EPB41L4B: variants seen among roughly 807,000 people sequenced by gnomAD.
EPB41L4B encodes the protein band 4.1-like protein 4B.
EPB41L4B carries 30 observed loss-of-function variants against 112.5 expected under a neutral mutation model. That is an observed-to-expected ratio of 0.27 (90% confidence interval 0.20 to 0.36). EPB41L4B has a LOEUF of 0.36. Ranked by LOEUF, EPB41L4B falls within the 10% of genes least tolerant of loss-of-function variation. The probability of loss-of-function intolerance (pLI) is 1.00; values close to 1 mark genes in which losing one functional copy is unlikely to be tolerated. For missense variants in EPB41L4B, 1,024 were observed against 1,133.3 expected (o/e 0.90, Z 1.38); for synonymous variants, 408 against 439.7 (o/e 0.93, Z 0.90).
intron 16 of EPB41L4B, 80 bp downstream of exon 16, chr9:109,216,842 G>C: frequency 1.4e-6 from 2 of 1,406,438 alleles, no homozygotes; most frequent in East Asian, 4.6e-5. Context: ...GCAAGGGTCT[G>C]TCTTAAGAAT....
intron 1 of EPB41L4B, among the ~76,000 whole-genome samples, chr9:109,306,340 G>C (rs1045107661): frequency 2.6e-5 from 4 of 152,156 alleles, no homozygotes; most frequent in African/African-American, 9.7e-5. Flanking sequence ...GGCCAGGCGT[G>C]GTGGCTCACG....
rs1564317202 is a variant in EPB41L4B, at chr9:109,281,717, TA to T, written c.307-1797del. 8.5e-3 allele frequency among the ~76,000 whole-genome samples: 1,129 copies of T among 132,206 alleles called. 10 individuals carry two copies. Among genetic ancestry groups the T allele is most frequent in the South Asian group, 0.032 (133 of 4,128 alleles). 86.7% of individuals were successfully genotyped at this position (132,206 alleles called of 152,430 possible). ...ATAAATAAATAAATAAATAAATAAATAAATAAATTAATTAATTAATTTTAAA... is the reference window on the plus strand; with the variant it reads ...ATAAATAAATAAATAAATAAATAAATAATAAATTAATTAATTAATTTTAAA... On this transcript the variant is annotated intron_variant, in intron 1 of 25. Transcript: ENST00000374566.
intron 1 of EPB41L4B, among the ~76,000 whole-genome samples, chr9:109,316,929 C>A (rs556802594): frequency 6.6e-6 from 1 of 152,098 alleles, no homozygotes; most frequent in African/African-American, 2.4e-5. Context: ...CAGTGAGACC[C>A]CATGTCTATA....
intron 15 of EPB41L4B, chr9:109,240,823 A>T (rs1434239083): frequency 2.0e-6 from 2 of 985,342 alleles, no homozygotes; most frequent in Admixed American, 1.2e-4. Context: ...TGTATTCACA[A>T]TTATGTCTTC....
At chr9:109,174,757 T>C (rs2118559672) in intron 25 of EPB41L4B, 134 bp from the exon 26 acceptor site, 1 of 670,686 alleles carries the variant, frequency 1.5e-6, no homozygotes, top group Non-Finnish European at 2.5e-6. Flanking sequence ...TTGAGGACTA[T>C]CTACATTTGC....
At chr9:109,276,318 G>GA (rs58741821) in intron 2 of EPB41L4B, among the ~76,000 whole-genome samples, 1,620 of 151,858 alleles carry the variant, frequency 0.011, 26 homozygotes, top group Admixed American at 0.039. Context: ...TGAGGGGGGG[G>GA]TCATCTGAGA....
At position 109,273,773 on chromosome 9, in the gene EPB41L4B, T is replaced by C. The variant is rs118138254; in HGVS notation, c.412-5340A>G. ...TCTATGGAAACTGCACTGAACCCAATGGGTGGAAGGAAGGGGTTTTGTCTG... is the reference window on the plus strand; with the variant it reads ...TCTATGGAAACTGCACTGAACCCAACGGGTGGAAGGAAGGGGTTTTGTCTG... On this transcript the variant is annotated intron_variant, in intron 2 of 25. Coordinates refer to ENST00000374566, the MANE Select transcript of EPB41L4B (RefSeq NM_019114.5). 1.9e-3 allele frequency among the ~76,000 whole-genome samples: 284 copies of C among 152,120 alleles called. 2 individuals carry two copies. Among genetic ancestry groups the C allele is most frequent in the Non-Finnish European group, 3.5e-3 (235 of 68,002 alleles).
At chr9:109,283,217 G>T (rs546998929) in intron 1 of EPB41L4B, among the ~76,000 whole-genome samples, 53 of 152,300 alleles carry the variant, frequency 3.5e-4, no homozygotes, top group African/African-American at 1.2e-3. Context: ...GCTTCTGGGC[G>T]GTGGGCAGGG....
intron 15 of EPB41L4B, among the ~76,000 whole-genome samples, chr9:109,228,311 A>G (rs533372278): frequency 6.6e-6 from 1 of 152,022 alleles, no homozygotes; most frequent in East Asian, 1.9e-4. Flanking sequence ...CTTACAAAAG[A>G]CTCTGTTCTC....
intron 1 of EPB41L4B, chr9:109,307,092 A>T (rs1170325514): frequency 4.3e-6 from 1 of 233,812 alleles, no homozygotes; most frequent in Non-Finnish European, 8.7e-6. Flanking sequence ...AAATGGATGC[A>T]ACTGTAACTA....
intron 6 of EPB41L4B, 94 bp downstream of exon 6, chr9:109,262,956 G>A (rs1835270902): frequency 3.4e-6 from 3 of 869,798 alleles, no homozygotes; most frequent in Non-Finnish European, 5.4e-6. Flanking sequence ...TATCCCCAAA[G>A]CTAAGCACTG....
At position 109,240,942 on chromosome 9, in the gene EPB41L4B, G is replaced by A. The variant is rs544831720; in HGVS notation, c.1409+2676C>T. On this transcript the variant is annotated intron_variant, in intron 15 of 25. Transcript: ENST00000374566. ...ATGCTATGCAATTTAAGATTAGTAC[G>A]ACTGCTTAAATTCAAAGTAGCTCAA... The A allele has an allele frequency of 2.3e-4, 226 of 985,324 alleles. 1 individual carries two copies. In the South Asian group the frequency reaches 9.3e-3, roughly 40 times the overall value. The allele number at this position is 985,324 out of a possible 1,614,324, so 61.0% of individuals were successfully genotyped here. A position where few individuals can be genotyped will look rare whatever the true frequency, so the allele number is the denominator to read the frequency against.
intron 12 of EPB41L4B, among the ~76,000 whole-genome samples, chr9:109,252,239 A>G (rs1008171253): frequency 1.3e-5 from 2 of 152,180 alleles, no homozygotes; most frequent in African/African-American, 4.8e-5. Context: ...ATCTTGAGAC[A>G]GCTCTTTTGA....
At chr9:109,274,323 C>T (rs1306396035) in intron 2 of EPB41L4B, among the ~76,000 whole-genome samples, 1 of 152,076 alleles carries the variant, frequency 6.6e-6, no homozygotes, top group Non-Finnish European at 1.5e-5. Context: ...TACCACTGCC[C>T]CAAATCCCTG....
intron 15 of EPB41L4B, among the ~76,000 whole-genome samples, chr9:109,230,589 T>C (rs754360054): frequency 2.6e-5 from 4 of 152,216 alleles, no homozygotes; most frequent in Non-Finnish European, 5.9e-5. Flanking sequence ...CAATTTTAAT[T>C]TGGTAGAGAC....
At chr9:109,259,718 A>G (rs1465267852) in intron 6 of EPB41L4B, among the ~76,000 whole-genome samples, 10 of 152,234 alleles carry the variant, frequency 6.6e-5, no homozygotes. Context: ...GTGGCCTATT[A>G]GTTCTCCCTT....
chr9:109,243,832 A>T, intron 14 of EPB41L4B, 150 bp from the exon 15 acceptor site: 1 of 738,838 alleles, frequency 1.4e-6, no homozygotes, highest in Non-Finnish European at 2.2e-6. Context: ...GATGTTTCCC[A>T]GGACGATCAC....
chr9:109,314,870 G>T (rs1024532682), intron 1 of EPB41L4B, among the ~76,000 whole-genome samples: 1 of 152,084 alleles, frequency 6.6e-6, no homozygotes, highest in Non-Finnish European at 1.5e-5. Flanking sequence ...CTTGGGAAAG[G>T]GTAGAAATGA....
chr9:109,308,238 C>T (rs986433470), intron 1 of EPB41L4B, among the ~76,000 whole-genome samples: 1 of 151,956 alleles, frequency 6.6e-6, no homozygotes, highest in African/African-American at 2.4e-5. Flanking sequence ...AACCCACACT[C>T]GAGGAAGACA....
Sources: allele counts gnomAD v4.1 joint callset (sites outside exome capture counted in the v4.1 genomes callset), GRCh38; gene constraint gnomAD v4.1.1; transcripts MANE v1.5; gene names NCBI Gene and HGNC (gene_info 2026-07-23, HGNC 2026-07-21).